FAM107A: variants seen among roughly 807,000 people sequenced by gnomAD.
The protein encoded by FAM107A is family with sequence similarity 107 member A.
In FAM107A, 19 loss-of-function variants were observed where a neutral mutation model predicts 13.7. The observed-to-expected ratio is 1.38, with a 90% CI of 0.97 to 2.03. The LOEUF is 2.03. Among genes scored for constraint, FAM107A ranks in the 30% most tolerant of loss-of-function variants. The pLI is 0.00. For synonymous variants in FAM107A, 82 were observed against 74.5 expected (o/e 1.10, Z -0.52); for missense variants, 203 against 184.4 (o/e 1.10, Z -0.58).
At chr3:58,591,955 C>T (rs994078247), upstream of FAM107A, among the ~76,000 whole-genome samples, 1 of 152,044 alleles carries the variant, frequency 6.6e-6, no homozygotes, top group African/African-American at 2.4e-5. This position sits in a 1 kb window ranked among gnomAD's most constrained non-coding sequence, Gnocchi z 4.3. Context: ...TGGGTAATTC[C>T]CCAGAGAGTG....
At position 58,569,649 on chromosome 3, in the gene FAM107A, C is replaced by A. The variant is rs1476880312; in HGVS notation, c.170+42G>T. 6.4e-7 allele frequency: 1 copy of A among 1,555,754 alleles called. No homozygotes were observed. The highest frequency in any genetic ancestry group is 8.8e-7 in the Non-Finnish European group (1 of 1,142,366). On this transcript the variant is annotated intron_variant, in intron 2 of 3. Coordinates refer to ENST00000360997, the MANE Select transcript of FAM107A (RefSeq NM_001076778.3). The surrounding 1 kb of genome is among the most constrained non-coding windows in gnomAD (Gnocchi z 5.7). ...GTCACCTTCCCCATCCCCCACAGGC[C>A]CAGGTGCTTGCGGGGCCCAGGCAGC...
intron 1 of FAM107A, among the ~76,000 whole-genome samples, chr3:58,586,430 G>GA (rs969805209): frequency 4.6e-5 from 7 of 151,292 alleles, no homozygotes; most frequent in African/African-American, 9.7e-5. Context: ...AAAGGAGGAA[G>GA]AAAAAAAAAG....
chr3:58,626,246 T>G (rs2066015485), intron 1 of FAM107A, among the ~76,000 whole-genome samples: 1 of 152,122 alleles, frequency 6.6e-6, no homozygotes, highest in East Asian at 1.9e-4. Context: ...TGATGGGCCA[T>G]GAGAAAGTGA....
At chr3:58,571,557 G>A (rs2063684152) in intron 1 of FAM107A, among the ~76,000 whole-genome samples, 1 of 151,926 alleles carries the variant, frequency 6.6e-6, no homozygotes, top group Non-Finnish European at 1.5e-5. Flanking sequence ...CTTTAAAATG[G>A]GCACTCGACA....
Position 58,617,886 on chromosome 3 carries a change from C to A in FAM107A, c.-70+9530G>T, listed in dbSNP as rs1264476023. Reference sequence around the variant, plus strand: ...AAGATGAACAGCTTCAATCCTGACGCTTGAAAAACAAGTCCATGAGAACGT... The same window carrying A: ...AAGATGAACAGCTTCAATCCTGACGATTGAAAAACAAGTCCATGAGAACGT... On this transcript the variant is annotated intron_variant, in intron 1 of 3. Coordinates refer to the FAM107A transcript ENST00000465970. The surrounding 1 kb of genome is among the most constrained non-coding windows in gnomAD (Gnocchi z 4.5). 1.3e-5 allele frequency among the ~76,000 whole-genome samples: 2 copies of A among 152,170 alleles called. No individual in the cohort carries two copies. Among genetic ancestry groups the A allele is most frequent in the Non-Finnish European group, 2.9e-5 (2 of 68,036 alleles).
intron 1 of FAM107A, among the ~76,000 whole-genome samples, chr3:58,615,179 G>A (rs538064051): frequency 3.9e-5 from 6 of 152,282 alleles, no homozygotes; most frequent in East Asian, 1.9e-4. Context: ...TCTCTATTAC[G>A]TTTTTAAAGG....
chr3:58,615,995 G>A (rs1451155690), intron 1 of FAM107A, among the ~76,000 whole-genome samples: 1 of 151,606 alleles, frequency 6.6e-6, no homozygotes, highest in East Asian at 1.9e-4. Context: ...CAGGTGGAGG[G>A]AACAGTGGAG....
intron 1 of FAM107A, among the ~76,000 whole-genome samples, chr3:58,625,854 A>G (rs1363263290): frequency 6.6e-6 from 1 of 152,218 alleles, no homozygotes; most frequent in Non-Finnish European, 1.5e-5. Flanking sequence ...GACCCTGGCT[A>G]AGAAATTACT....
At chr3:58,591,645 T>G (rs1175510598), upstream of FAM107A, among the ~76,000 whole-genome samples, 1 of 152,212 alleles carries the variant, frequency 6.6e-6, no homozygotes. The surrounding 1 kb of genome is among the most constrained non-coding windows in gnomAD (Gnocchi z 4.3). Context: ...TCTCATCCTT[T>G]AGGTCTTGGC....
chr3:58,598,567 T>C (rs1169020154), intron 1 of FAM107A, among the ~76,000 whole-genome samples: 1 of 152,134 alleles, frequency 6.6e-6, no homozygotes, highest in Non-Finnish European at 1.5e-5. Flanking sequence ...GTTGTTTCAT[T>C]CCCCTTAAAT....
chr3:58,593,354 T>G (rs1410688064), intron 1 of FAM107A, among the ~76,000 whole-genome samples: 1 of 152,226 alleles, frequency 6.6e-6, no homozygotes, highest in African/African-American at 2.4e-5. Context: ...CCCCAAAAAC[T>G]TGTCATCCCT....
intron 1 of FAM107A, among the ~76,000 whole-genome samples, chr3:58,573,801 C>T (rs747969046): frequency 2.0e-5 from 3 of 152,202 alleles, no homozygotes; most frequent in Non-Finnish European, 2.9e-5. Flanking sequence ...GAAACTACAG[C>T]CTTTGGACCA....
intron 1 of FAM107A, among the ~76,000 whole-genome samples, chr3:58,621,850 G>A (rs2065958921): frequency 6.6e-6 from 1 of 152,200 alleles, no homozygotes; most frequent in Admixed American, 6.5e-5. Flanking sequence ...GTGCTGCCTG[G>A]CTAGGCACAG....
At chr3:58,570,156 A>C (rs1278476417) in intron 1 of FAM107A, among the ~76,000 whole-genome samples, 1 of 152,258 alleles carries the variant, frequency 6.6e-6, no homozygotes, top group African/African-American at 2.4e-5. Context: ...TGACACATGC[A>C]TATTTTTGGC....
At chr3:58,625,755 G>C (rs1489134566) in intron 1 of FAM107A, among the ~76,000 whole-genome samples, 3 of 152,224 alleles carry the variant, frequency 2.0e-5, no homozygotes, top group Non-Finnish European at 2.9e-5. Context: ...TGGCCACCCT[G>C]CAGGCTGCAA....
upstream of FAM107A, chr3:58,587,201 G>A (rs763969653): frequency 6.9e-5 from 68 of 984,454 alleles, no homozygotes; most frequent in Non-Finnish European, 8.6e-5. Context: ...TCCTAGCCCC[G>A]AGGTTCCAGG....
chr3:58,587,035 G>T, exon 1 of FAM107A: 2 of 1,373,222 alleles, frequency 1.5e-6, no homozygotes, highest in Non-Finnish European at 1.9e-6. Context: ...CGGTGACGCG[G>T]CCCCAAGTCC....
upstream of FAM107A, among the ~76,000 whole-genome samples, chr3:58,591,537 T>C (rs2065654542): frequency 6.6e-6 from 1 of 152,170 alleles, no homozygotes; most frequent in Non-Finnish European, 1.5e-5. This position sits in a 1 kb window ranked among gnomAD's most constrained non-coding sequence, Gnocchi z 4.3. Flanking sequence ...GAGAACTCTC[T>C]GGGTTCCCTG....
At chr3:58,614,543 C>T (rs555774497) in intron 1 of FAM107A, among the ~76,000 whole-genome samples, 3 of 146,468 alleles carry the variant, frequency 2.0e-5, no homozygotes, top group Non-Finnish European at 3.0e-5. Context: ...TTGCTCTTCT[C>T]GCTCAGGCTA....
Sources: gnomAD v4.1 joint callset for allele counts (sites outside exome capture counted in the v4.1 genomes callset) on GRCh38, gnomAD v4.1.1 for gene constraint, Gnocchi (gnomAD v3.1) non-coding constraint, MANE v1.5 for transcripts, NCBI Gene and HGNC (gene_info 2026-07-23, HGNC 2026-07-21) for gene names.